CNTNAP2: variants seen among roughly 807,000 people sequenced by gnomAD.
The protein encoded by CNTNAP2 is contactin associated protein 2.
In CNTNAP2, 98 loss-of-function variants were observed where a neutral mutation model predicts 155.2. The observed-to-expected ratio is 0.63, with a 90% CI of 0.54 to 0.75. The LOEUF is 0.75. Among genes scored for constraint, CNTNAP2 ranks in the 30% least tolerant of loss-of-function variants. The pLI is 0.00. For missense variants in CNTNAP2, 1,727 were observed against 1,688.1 expected, an observed-to-expected ratio of 1.02 and a Z score of -0.40; for synonymous variants, 651 against 631.2, an observed-to-expected ratio of 1.03 and a Z score of -0.47.
chr7:147,873,468 G>C (rs970968376), intron 13 of CNTNAP2, among the ~76,000 whole-genome samples: 1 of 152,102 alleles, frequency 6.6e-6, no homozygotes, highest in African/African-American at 2.4e-5. Flanking sequence ...ATGTGCAGAG[G>C]AACTGCCCTT....
chr7:146,673,175 T>G (rs574218912), intron 1 of CNTNAP2, among the ~76,000 whole-genome samples: 2 of 152,292 alleles, frequency 1.3e-5, no homozygotes, highest in African/African-American at 4.8e-5. Flanking sequence ...TTTATAATTT[T>G]CATTTCAGAA....
intron 17 of CNTNAP2, among the ~76,000 whole-genome samples, chr7:148,150,855 C>T (rs1805283673): frequency 6.6e-6 from 1 of 151,806 alleles, no homozygotes; most frequent in African/African-American, 2.4e-5. Context: ...GGGATCCTCC[C>T]ACCTCAGTCC....
At chr7:148,229,558 A>T in intron 19 of CNTNAP2, 88 bp from the exon 20 acceptor site, 1 of 1,479,478 alleles carries the variant, frequency 6.8e-7, no homozygotes, top group East Asian at 2.3e-5. Flanking sequence ...GAAGAAAGAA[A>T]GAATCTAAGA....
intron 10 of CNTNAP2, among the ~76,000 whole-genome samples, chr7:147,439,470 A>G (rs780121020): frequency 4.6e-5 from 7 of 151,924 alleles, no homozygotes; most frequent in South Asian, 2.1e-4. Context: ...CAATTTTTTT[A>G]ATGTTGTGAG....
chr7:146,713,474 C>T (rs968037990), intron 1 of CNTNAP2, among the ~76,000 whole-genome samples: 2 of 152,110 alleles, frequency 1.3e-5, no homozygotes, highest in Non-Finnish European at 2.9e-5. Context: ...GCAGAGAGTT[C>T]GTAAGCTGTG....
At chr7:146,463,499 T>C (rs1054919170) in intron 1 of CNTNAP2, among the ~76,000 whole-genome samples, 1 of 152,082 alleles carries the variant, frequency 6.6e-6, no homozygotes, top group Non-Finnish European at 1.5e-5. Flanking sequence ...ACATTGTTCT[T>C]AAATGTGATT....
chr7:146,149,879 G>GAAAAA (rs377385260), intron 1 of CNTNAP2, among the ~76,000 whole-genome samples: 26 of 59,410 alleles, frequency 4.4e-4, no homozygotes, highest in East Asian at 1.0e-3. Flanking sequence ...TAGCCACAAA[G>GAAAAA]AAAAAAAAAA....
intron 13 of CNTNAP2, among the ~76,000 whole-genome samples, chr7:147,671,238 G>A (rs557632619): frequency 6.6e-6 from 1 of 152,164 alleles, no homozygotes; most frequent in African/African-American, 2.4e-5. Context: ...CTGGGCAAAT[G>A]AGGCACCCGG....
intron 8 of CNTNAP2, among the ~76,000 whole-genome samples, chr7:147,265,986 G>T (rs973046322): frequency 6.6e-6 from 1 of 152,070 alleles, no homozygotes; most frequent in African/African-American, 2.4e-5. Flanking sequence ...TCATCCAAAG[G>T]TCAGCAACCT....
intron 17 of CNTNAP2, among the ~76,000 whole-genome samples, chr7:148,164,311 G>A (rs1251045309): frequency 2.0e-5 from 3 of 152,172 alleles, no homozygotes; most frequent in Non-Finnish European, 4.4e-5. Context: ...TATAGAACAG[G>A]AGAAATAGCA....
intron 3 of CNTNAP2, among the ~76,000 whole-genome samples, chr7:146,970,791 T>G (rs941369477): frequency 3.9e-5 from 6 of 152,006 alleles, no homozygotes; most frequent in Middle Eastern, 3.2e-3. Context: ...ATTCACAAAA[T>G]CAAAGACTTG....
intron 1 of CNTNAP2, among the ~76,000 whole-genome samples, chr7:146,645,974 T>G (rs1161694520): frequency 6.6e-6 from 1 of 152,208 alleles, no homozygotes; most frequent in Admixed American, 6.5e-5. Context: ...AATTTCATAT[T>G]AAGCTATGGG....
At chr7:148,408,780 T>TA (rs1275978660) in intron 22 of CNTNAP2, among the ~76,000 whole-genome samples, 2 of 152,212 alleles carry the variant, frequency 1.3e-5, no homozygotes, top group Non-Finnish European at 2.9e-5. Flanking sequence ...TGTTTTATCT[T>TA]AGAGAAATAC....
intron 13 of CNTNAP2, among the ~76,000 whole-genome samples, chr7:147,706,752 C>T (rs571840198): frequency 1.1e-4 from 17 of 152,172 alleles, no homozygotes; most frequent in Admixed American, 3.3e-4. Flanking sequence ...TCACCTTCTA[C>T]AGCACCCAGA....
At chr7:146,555,217 G>A (rs1798179476) in intron 1 of CNTNAP2, among the ~76,000 whole-genome samples, 1 of 152,118 alleles carries the variant, frequency 6.6e-6, no homozygotes, top group African/African-American at 2.4e-5. Context: ...TAAAGATGCA[G>A]TGTGACAACT....
At chr7:147,078,107 A>G (rs187589867) in intron 4 of CNTNAP2, among the ~76,000 whole-genome samples, 5 of 152,364 alleles carry the variant, frequency 3.3e-5, no homozygotes, top group African/African-American at 1.2e-4. Context: ...ACAATTAAGT[A>G]GATTGATAGA....
chr7:146,537,429 C>A (rs1797885755), intron 1 of CNTNAP2, among the ~76,000 whole-genome samples: 1 of 151,882 alleles, frequency 6.6e-6, no homozygotes, highest in Non-Finnish European at 1.5e-5. Context: ...AAGTTTGTAT[C>A]AATGTTAAAG....
At chr7:147,037,818 C>G (rs375242764) in intron 3 of CNTNAP2, among the ~76,000 whole-genome samples, 1 of 152,108 alleles carries the variant, frequency 6.6e-6, no homozygotes, top group Non-Finnish European at 1.5e-5. Flanking sequence ...ATTAAATCAA[C>G]GGCTACATCT....
intron 1 of CNTNAP2, among the ~76,000 whole-genome samples, chr7:146,354,851 GA>G (rs1157370562): frequency 6.6e-6 from 1 of 152,160 alleles, no homozygotes; most frequent in African/African-American, 2.4e-5. Context: ...ATATTCTTGT[GA>G]AATGAAATTC....
Sources: gnomAD v4.1 joint callset for allele counts (sites outside exome capture counted in the v4.1 genomes callset) on GRCh38, gnomAD v4.1.1 for gene constraint, MANE v1.5 for transcripts, NCBI Gene and HGNC (gene_info 2026-07-23, HGNC 2026-07-21) for gene names.